USP15: variants seen among roughly 807,000 people sequenced by gnomAD.
USP15 encodes ubiquitin carboxyl-terminal hydrolase 15.
In USP15, 18 loss-of-function variants were observed where a neutral mutation model predicts 127.1. The ratio of observed to expected loss-of-function variants is 0.14; its 90% CI spans 0.10 to 0.21. The LOEUF is 0.21. USP15 is among the 10% of genes least tolerant of loss of function. The probability of loss-of-function intolerance (pLI) is 1.00; values close to 1 mark genes in which losing one functional copy is unlikely to be tolerated. For missense variants in USP15, 805 were observed against 1,159.9 expected (o/e 0.69, Z 4.44); for synonymous variants, 364 against 393.7 (o/e 0.92, Z 0.89).
intron 1 of USP15, among the ~76,000 whole-genome samples, chr12:62,278,099 A>G (rs2063543460): frequency 6.6e-6 from 1 of 152,174 alleles, no homozygotes; most frequent in Admixed American, 6.5e-5. Context: ...TCTAATTAAA[A>G]AGTTTTTTTG....
chr12:62,359,165 C>G (rs751272074), intron 8 of USP15, among the ~76,000 whole-genome samples: 1 of 150,942 alleles, frequency 6.6e-6, no homozygotes. Context: ...CCTTTACTTT[C>G]CACAATGGCC....
At chr12:62,288,821 G>A (rs1029347393) in intron 1 of USP15, among the ~76,000 whole-genome samples, 2 of 152,094 alleles carry the variant, frequency 1.3e-5, no homozygotes, top group African/African-American at 4.8e-5. Context: ...TTTACCAGAT[G>A]CTGTTTTTGC....
intron 1 of USP15, among the ~76,000 whole-genome samples, chr12:62,281,640 G>C (rs949281181): frequency 1.3e-5 from 2 of 152,150 alleles, no homozygotes; most frequent in African/African-American, 4.8e-5. Context: ...CACCTGGCCA[G>C]ATTCTCCTAT....
intron 6 of USP15, among the ~76,000 whole-genome samples, chr12:62,347,757 A>T (rs2065862156): frequency 6.6e-6 from 1 of 152,178 alleles, no homozygotes; most frequent in Admixed American, 6.5e-5. Flanking sequence ...AGTAAAATAA[A>T]ATCTTGTTAA....
At chr12:62,327,146 T>C (rs767027177) in intron 6 of USP15, among the ~76,000 whole-genome samples, 1 of 151,966 alleles carries the variant, frequency 6.6e-6, no homozygotes, top group African/African-American at 2.4e-5. Flanking sequence ...TAAATAAATA[T>C]AAATAAATAA....
chr12:62,344,815 T>C (rs547363738), intron 6 of USP15, among the ~76,000 whole-genome samples: 2 of 152,304 alleles, frequency 1.3e-5, no homozygotes, highest in East Asian at 3.9e-4. Flanking sequence ...TGCCAAGATT[T>C]GGGGCTTCCA....
intron 6 of USP15, among the ~76,000 whole-genome samples, chr12:62,331,634 CTATTG>C (rs1182544589): frequency 2.0e-5 from 3 of 152,080 alleles, no homozygotes; most frequent in African/African-American, 4.8e-5. Flanking sequence ...CTCTGATGTC[CTATTG>C]TATTGGCCCC....
At chr12:62,400,889 T>A (rs1368001008) in intron 20 of USP15, among the ~76,000 whole-genome samples, 1 of 152,076 alleles carries the variant, frequency 6.6e-6, no homozygotes, top group Non-Finnish European at 1.5e-5. Context: ...TGGTACACAG[T>A]AAGCACTACA....
chr12:62,309,476 C>CT (rs1475169282), intron 3 of USP15, among the ~76,000 whole-genome samples: 7 of 152,034 alleles, frequency 4.6e-5, no homozygotes, highest in Admixed American at 4.6e-4. Flanking sequence ...CCAGTGTATT[C>CT]TACCAAATAT....
At chr12:62,345,204 C>G (rs1005027884) in intron 6 of USP15, among the ~76,000 whole-genome samples, 1 of 152,186 alleles carries the variant, frequency 6.6e-6, no homozygotes, top group Non-Finnish European at 1.5e-5. Context: ...AAGTCACATC[C>G]TGAATGGTTT....
intron 11 of USP15, among the ~76,000 whole-genome samples, chr12:62,387,376 A>G (rs372509341): frequency 4.6e-5 from 7 of 152,200 alleles, no homozygotes; most frequent in African/African-American, 1.7e-4. Context: ...GGACTGGCCA[A>G]AGCAAATCAG....
At chr12:62,370,727 A>G (rs2066636868) in intron 8 of USP15, among the ~76,000 whole-genome samples, 3 of 152,114 alleles carry the variant, frequency 2.0e-5, no homozygotes, top group Admixed American at 2.0e-4. Context: ...ATCCATCTAT[A>G]TACTAATATC....
intron 3 of USP15, among the ~76,000 whole-genome samples, chr12:62,305,129 A>G (rs1373672151): frequency 6.6e-6 from 1 of 152,134 alleles, no homozygotes. Flanking sequence ...AGAGGAAAGA[A>G]AGAGTGGGTA....
In USP15 at chr12:62,411,141, C is replaced by T. The variant is rs767582628; in HGVS notation, c.*6766C>T. On this transcript the variant is annotated 3_prime_UTR_variant, in exon 22 of 22. Transcript: ENST00000280377. ...TTATGCAGAAATAAGGGAAAAGGAC[C>T]CTAGAGATCCTTGAGGAATCCCACT... The T allele has an allele frequency of 1.3e-5, 2 of 152,128 alleles. No individual in the cohort carries two copies. The highest frequency in any genetic ancestry group is 3.4e-3 in the Middle Eastern group (1 of 294). The allele number at this position is 152,128 out of a possible 1,614,324, so 9.4% of individuals were successfully genotyped here.
intron 1 of USP15, among the ~76,000 whole-genome samples, chr12:62,268,429 T>C (rs2063251265): frequency 6.6e-6 from 1 of 152,178 alleles, no homozygotes; most frequent in South Asian, 2.1e-4. Flanking sequence ...CACATTTTCA[T>C]TTGTTATTAA....
intron 3 of USP15, among the ~76,000 whole-genome samples, chr12:62,311,699 C>T (rs1293104443): frequency 1.3e-5 from 2 of 151,570 alleles, no homozygotes; most frequent in Admixed American, 1.3e-4. Flanking sequence ...GCATCCTGTT[C>T]AGAGTGAGTG....
intron 6 of USP15, among the ~76,000 whole-genome samples, chr12:62,346,386 A>G (rs2137407827): frequency 6.6e-6 from 1 of 152,288 alleles, no homozygotes; most frequent in East Asian, 1.9e-4. Flanking sequence ...TTGCTTTTGC[A>G]CTATCAGTGC....
chr12:62,260,484 C>A lies in USP15; in HGVS notation c.70C>A (p.Leu24Ile). The change falls in exon 1 of 22, where the codon CTC becomes ATC. Residue 24 changes from leucine (L) to isoleucine (I), a missense_variant. This residue lies in a region of USP15 where 45 missense variants were observed against 37.8 expected (regional missense o/e 1.19). Transcript: ENST00000280377. ...SDIATLLKTS[L>I]RKGDTWYLVD... ...CATCGCGACGCTGCTCAAAACCTCG[C>A]TCCGGAAAGGGGACACCTGGTAAGA... 1 of 1,551,656 alleles carries A rather than the reference C, an allele frequency of 6.4e-7. No individual in the cohort carries two copies. Among genetic ancestry groups the A allele is most frequent in the Non-Finnish European group, 8.7e-7 (1 of 1,147,262 alleles).
chr12:62,337,459 T>A (rs1436622042), intron 6 of USP15, among the ~76,000 whole-genome samples: 1 of 152,102 alleles, frequency 6.6e-6, no homozygotes, highest in Non-Finnish European at 1.5e-5. Context: ...GTTTTGTTTT[T>A]TGTCTTTTTT....
Sources: allele counts gnomAD v4.1 joint callset (sites outside exome capture counted in the v4.1 genomes callset), GRCh38; gene constraint gnomAD v4.1.1; regional missense constraint gnomAD v4.1.1; transcripts MANE v1.5; gene names NCBI Gene and HGNC (gene_info 2026-07-23, HGNC 2026-07-21).